FOXP1: variants seen among roughly 807,000 people sequenced by gnomAD.
FOXP1 encodes forkhead box P1.
Under a neutral mutation model 98.2 loss-of-function variants are expected in FOXP1, and 15 were observed. The ratio of observed to expected loss-of-function variants is 0.15; its 90% CI spans 0.10 to 0.24. FOXP1 has a LOEUF of 0.24. FOXP1 is among the 10% of genes least tolerant of loss of function. The probability of loss-of-function intolerance (pLI) is 1.00; values close to 1 mark genes in which losing one functional copy is unlikely to be tolerated. For synonymous variants in FOXP1, 371 were observed against 314.5 expected (o/e 1.18, Z -1.90); for missense variants, 633 against 848.5 (o/e 0.75, Z 3.15).
At chr3:71,269,962 G>A (rs535221190) in intron 5 of FOXP1, among the ~76,000 whole-genome samples, 1 of 152,308 alleles carries the variant, frequency 6.6e-6, no homozygotes, top group South Asian at 2.1e-4. Context: ...TGAAAGTGTT[G>A]ATTTCTTCTA....
chr3:71,255,996 T>A (rs1221725392), intron 5 of FOXP1, among the ~76,000 whole-genome samples: 1 of 152,218 alleles, frequency 6.6e-6, no homozygotes, highest in Non-Finnish European at 1.5e-5. Context: ...ATTTCTCTTT[T>A]ATTATTTGAT....
intron 5 of FOXP1, among the ~76,000 whole-genome samples, chr3:71,223,830 A>G (rs1003309930): frequency 6.6e-6 from 1 of 152,122 alleles, no homozygotes; most frequent in Non-Finnish European, 1.5e-5. Flanking sequence ...GGAGTACCCC[A>G]TTACTGCTTC....
At chr3:71,009,164 G>GC (rs910159197) in intron 12 of FOXP1, among the ~76,000 whole-genome samples, 4 of 102,612 alleles carry the variant, frequency 3.9e-5, no homozygotes, top group Admixed American at 1.9e-4. Flanking sequence ...GCGGGGGGGG[G>GC]GGGGCGCATG....
At chr3:71,394,191 C>T (rs1378170328) in intron 3 of FOXP1, among the ~76,000 whole-genome samples, 2 of 152,186 alleles carry the variant, frequency 1.3e-5, no homozygotes, top group Admixed American at 1.3e-4. Context: ...AGGCAATCAG[C>T]AGTTATTTTT....
At chr3:71,277,766 T>C (rs1468506287) in intron 5 of FOXP1, among the ~76,000 whole-genome samples, 1 of 116,796 alleles carries the variant, frequency 8.6e-6, no homozygotes, top group East Asian at 2.2e-4. Flanking sequence ...TTCATAGAGG[T>C]ATTTTCCCTA....
chr3:71,530,475 C>A (rs943873217), intron 2 of FOXP1, among the ~76,000 whole-genome samples: 6 of 152,144 alleles, frequency 3.9e-5, no homozygotes, highest in African/African-American at 1.4e-4. Context: ...TCTGTTATAG[C>A]AACACAAAGT....
chr3:71,374,129 G>C (rs1042429474), intron 3 of FOXP1, among the ~76,000 whole-genome samples: 1 of 152,148 alleles, frequency 6.6e-6, no homozygotes, highest in African/African-American at 2.4e-5. Context: ...AAAACGTATG[G>C]AATGAATGAA....
rs10670020 is a variant in FOXP1, at chr3:71,057,291, C to CTTTTTTTTTTTTTTTTT, written c.283-3535_283-3519dup. Among the ~76,000 whole-genome samples the CTTTTTTTTTTTTTTTTT allele has an allele frequency of 1.6e-3, 12 of 7,492 alleles. 6 individuals carry two copies. Among genetic ancestry groups the CTTTTTTTTTTTTTTTTT allele is most frequent in the Non-Finnish European group, 5.5e-3 (12 of 2,184 alleles). The allele number at this position is 7,492 out of a possible 152,430, so 4.9% of individuals were successfully genotyped here. ...TTAAAAGTATTCAGTAAAAACGAAACTTTTTTTTTTTTTTTTTTTTTTTTT... is the reference window on the plus strand; with the variant it reads ...TTAAAAGTATTCAGTAAAAACGAAACTTTTTTTTTTTTTTTTTTTTTTTTTTTTTTTTTTTTTTTTTT... On this transcript the variant is annotated intron_variant, in intron 7 of 20. Transcript: ENST00000649528.
chr3:71,561,230 A>G (rs2107734006), intron 2 of FOXP1, among the ~76,000 whole-genome samples: 1 of 151,932 alleles, frequency 6.6e-6, no homozygotes, highest in Non-Finnish European at 1.5e-5. Flanking sequence ...CTCATTTTGT[A>G]TTTTTAGTAG....
chr3:71,436,556 G>A (rs143681162), intron 3 of FOXP1, among the ~76,000 whole-genome samples: 1 of 152,070 alleles, frequency 6.6e-6, no homozygotes, highest in Non-Finnish European at 1.5e-5. Context: ...CATAAAATAT[G>A]GTCCCTATTA....
At chr3:71,366,005 G>A (rs917008670) in intron 3 of FOXP1, among the ~76,000 whole-genome samples, 2 of 152,052 alleles carry the variant, frequency 1.3e-5, no homozygotes, top group African/African-American at 4.8e-5. Context: ...AAAACAAGAT[G>A]TTCCTTCTTA....
At chr3:71,018,922 T>C (rs1286777450) in intron 11 of FOXP1, among the ~76,000 whole-genome samples, 1 of 152,186 alleles carries the variant, frequency 6.6e-6, no homozygotes, top group Non-Finnish European at 1.5e-5. Flanking sequence ...AAGAATCAAG[T>C]GCTATGCAGG....
Position 71,517,266 on chromosome 3 carries a change from C to G in FOXP1, c.-297-23711G>C, listed in dbSNP as rs17008713. Among the ~76,000 whole-genome samples the G allele has an allele frequency of 3.3e-5, 5 of 151,992 alleles. No individual in the cohort carries two copies. In the South Asian group the frequency reaches 1.0e-3, roughly 32 times the overall value. ...ACACATCTGCAAGTCCAAGTCCATA[C>G]AGATTCACAGCATTGAAGAGAAGGC... On this transcript the variant is annotated intron_variant, in intron 2 of 20. Transcript: ENST00000649528.
At chr3:71,573,158 G>T (rs1175315160) in intron 2 of FOXP1, among the ~76,000 whole-genome samples, 2 of 152,224 alleles carry the variant, frequency 1.3e-5, no homozygotes, top group Non-Finnish European at 1.5e-5. Flanking sequence ...TTTAGTAAAT[G>T]TGACTGTCCT....
chr3:71,153,026 C>G (rs994088053), intron 6 of FOXP1, among the ~76,000 whole-genome samples: 1 of 152,246 alleles, frequency 6.6e-6, no homozygotes, highest in Non-Finnish European at 1.5e-5. Context: ...CAGAGCCCCA[C>G]GCTGGTCCAT....
intron 6 of FOXP1, among the ~76,000 whole-genome samples, chr3:71,178,863 G>A (rs374822351): frequency 3.0e-4 from 46 of 150,904 alleles, no homozygotes; most frequent in African/African-American, 1.1e-3. Context: ...CAGCCTGGGC[G>A]ACAGAGCGAG....
At chr3:71,282,419 T>C (rs1426888345) in intron 5 of FOXP1, among the ~76,000 whole-genome samples, 1 of 151,976 alleles carries the variant, frequency 6.6e-6, no homozygotes, top group African/African-American at 2.4e-5. Context: ...ATAATAAAGA[T>C]TATTAACCTC....
chr3:71,382,248 A>G (rs189028219), intron 3 of FOXP1, among the ~76,000 whole-genome samples: 11 of 152,188 alleles, frequency 7.2e-5, no homozygotes, highest in Non-Finnish European at 1.6e-4. Context: ...GCACTCCAAC[A>G]TGGGCGACAG....
chr3:71,156,535 A>G (rs562955988), intron 6 of FOXP1, among the ~76,000 whole-genome samples: 1 of 152,304 alleles, frequency 6.6e-6, no homozygotes, highest in South Asian at 2.1e-4. Flanking sequence ...GCAAAGAGAA[A>G]GGTATTTTGC....
Sources: gnomAD v4.1 joint callset for allele counts (sites outside exome capture counted in the v4.1 genomes callset) on GRCh38, gnomAD v4.1.1 for gene constraint, MANE v1.5 for transcripts, NCBI Gene and HGNC (gene_info 2026-07-23, HGNC 2026-07-21) for gene names.